The following ADAMTS17 variants were observed in gnomAD, a reference collection of about 807,000 sequenced individuals.
ADAMTS17 encodes the protein ADAM metallopeptidase with thrombospondin type 1 motif 17, also known as A disintegrin and metalloproteinase with thrombospondin motifs 17.
In ADAMTS17, 113 loss-of-function variants were observed where a neutral mutation model predicts 141.5. The observed-to-expected ratio is 0.80, with a 90% confidence interval of 0.69 to 0.93. The LOEUF (loss-of-function observed/expected upper bound fraction) is 0.93. Ranked by LOEUF, ADAMTS17 falls within the 40% of genes least tolerant of loss-of-function variation. The probability of loss-of-function intolerance (pLI) is 0.00; values close to 1 mark genes in which losing one functional copy is unlikely to be tolerated. For synonymous variants in ADAMTS17, 768 were observed against 630.6 expected (o/e 1.22, Z -3.27); for missense variants, 1,659 against 1,517.9 (o/e 1.09, Z -1.54).
chr15:100,202,026 C>T (rs532681655), intron 7 of ADAMTS17, among the ~76,000 whole-genome samples: 1 of 152,322 alleles, frequency 6.6e-6, no homozygotes, highest in South Asian at 2.1e-4. Context: ...ACAATCAGAT[C>T]TGCACGCCCT....
chr15:100,192,882 A>C (rs1190289690), intron 8 of ADAMTS17, among the ~76,000 whole-genome samples: 12 of 133,852 alleles, frequency 9.0e-5, no homozygotes, highest in African/African-American at 1.1e-4. Context: ...CCTCCCCATC[A>C]CTCCCCCAGA....
At chr15:100,250,622 T>C (rs2043124388) in intron 7 of ADAMTS17, among the ~76,000 whole-genome samples, 1 of 152,152 alleles carries the variant, frequency 6.6e-6, no homozygotes, top group African/African-American at 2.4e-5. Context: ...CTGTTCCTGA[T>C]TGTCATGGTG....
In ADAMTS17 at chr15:100,013,487, CT is replaced by C. The variant is rs1443949806; in HGVS notation, c.2592-15899del. 5.3e-5 allele frequency among the ~76,000 whole-genome samples: 8 copies of C among 152,274 alleles called. No homozygotes were observed. The East Asian group carries it at 1.5e-3, about 29-fold the overall frequency. ...CAGTTCTCAGACAGAAAGCTTTCAACTTTTCCCCATCAGTACTGTGTTGGCT... is the reference window on the plus strand; with the variant it reads ...CAGTTCTCAGACAGAAAGCTTTCAACTTTCCCCATCAGTACTGTGTTGGCT... On this transcript the variant is annotated intron_variant, in intron 18 of 21. Coordinates refer to ENST00000268070, the MANE Select transcript of ADAMTS17 (RefSeq NM_139057.4).
intron 8 of ADAMTS17, among the ~76,000 whole-genome samples, chr15:100,158,830 T>A (rs865955099): frequency 2.0e-4 from 30 of 152,264 alleles, no homozygotes; most frequent in African/African-American, 7.0e-4. Flanking sequence ...GACGTTTCTC[T>A]AAAGAAGACA....
intron 18 of ADAMTS17, among the ~76,000 whole-genome samples, chr15:100,005,681 G>A (rs974680178): frequency 2.0e-5 from 3 of 152,154 alleles, no homozygotes; most frequent in African/African-American, 4.8e-5. Flanking sequence ...AAAATTTGCC[G>A]ATAAAAGGAC....
At chr15:100,139,017 C>G (rs1403200877) in intron 10 of ADAMTS17, among the ~76,000 whole-genome samples, 4 of 152,082 alleles carry the variant, frequency 2.6e-5, no homozygotes, top group Non-Finnish European at 4.4e-5. Context: ...GGCGATGGAC[C>G]TGTTTTGCAA....
At chr15:100,137,277 GCTGGGAAGAAGGTGCA>G (rs1567235681) in intron 10 of ADAMTS17, among the ~76,000 whole-genome samples, 1 of 152,212 alleles carries the variant, frequency 6.6e-6, no homozygotes, top group Non-Finnish European at 1.5e-5. Context: ...AGAAGAACCG[GCTGGGAAGAAGGTGCA>G]CTGGGGTGGG....
intron 10 of ADAMTS17, among the ~76,000 whole-genome samples, chr15:100,142,964 A>G (rs1049711909): frequency 6.6e-6 from 1 of 152,238 alleles, no homozygotes; most frequent in African/African-American, 2.4e-5. Context: ...GCTCGTGGCA[A>G]CTAACAAGAA....
chr15:100,136,014 T>C lies in ADAMTS17; in HGVS notation c.1474-2699A>G, dbSNP rs572078441. 1.2e-4 allele frequency among the ~76,000 whole-genome samples: 19 copies of C among 152,278 alleles called. No individual in the cohort carries two copies. The South Asian group carries it at 3.5e-3, about 28-fold the overall frequency. On this transcript the variant is annotated intron_variant, in intron 10 of 21. Coordinates refer to ENST00000268070, the MANE Select transcript of ADAMTS17 (RefSeq NM_139057.4). ...CTTGGTTCAACAGCTTTGGAAAACTTTGGCAGTATTTGCTAAAGCTGAAGA... is the reference window on the plus strand; with the variant it reads ...CTTGGTTCAACAGCTTTGGAAAACTCTGGCAGTATTTGCTAAAGCTGAAGA...
chr15:100,005,743 T>A (rs1006525715), intron 18 of ADAMTS17, among the ~76,000 whole-genome samples: 1 of 152,172 alleles, frequency 6.6e-6, no homozygotes, highest in Non-Finnish European at 1.5e-5. Flanking sequence ...TTTGCTAGGA[T>A]TGTCGATAAA....
intron 15 of ADAMTS17, among the ~76,000 whole-genome samples, chr15:100,054,448 T>C (rs1356413465): frequency 6.6e-6 from 1 of 152,210 alleles, no homozygotes; most frequent in African/African-American, 2.4e-5. Flanking sequence ...TCCATTTTAA[T>C]GTGTCCCAGG....
chr15:100,074,684 A>C (rs1487029701), intron 15 of ADAMTS17, among the ~76,000 whole-genome samples: 1 of 152,052 alleles, frequency 6.6e-6, no homozygotes, highest in Non-Finnish European at 1.5e-5. Context: ...AATTGTTCTT[A>C]TGCTTCCTTT....
rs2060261825 is a variant in ADAMTS17 at position 99,973,827 on chromosome 15, A to C, written c.*575T>G. The C allele has an allele frequency of 1.0e-5, 2 of 192,124 alleles. No individual in the cohort carries two copies. The highest frequency in any genetic ancestry group is 2.2e-5 in the Non-Finnish European group (2 of 92,312). The allele number at this position is 192,124 out of a possible 1,614,324, so 11.9% of individuals were successfully genotyped here. On this transcript the variant is annotated 3_prime_UTR_variant, in exon 22 of 22. Coordinates refer to ENST00000268070, the MANE Select transcript of ADAMTS17 (RefSeq NM_139057.4). ...CCAAGGCAACACCTAGGATTTAGAG[A>C]CTATGTTCTCAGAGACGGGCATGGA...
chr15:100,305,378 C>T (rs761077433), intron 3 of ADAMTS17, among the ~76,000 whole-genome samples: 4 of 152,142 alleles, frequency 2.6e-5, no homozygotes, highest in Admixed American at 6.5e-5. Context: ...GAAATAAATC[C>T]GTCTCAAAGG....
intron 7 of ADAMTS17, among the ~76,000 whole-genome samples, chr15:100,219,633 A>G (rs1215919084): frequency 6.6e-6 from 1 of 152,114 alleles, no homozygotes; most frequent in African/African-American, 2.4e-5. Context: ...CTGGAATTTC[A>G]CCTTCTAGTT....
At chr15:100,100,664 T>A (rs939093430) in intron 14 of ADAMTS17, among the ~76,000 whole-genome samples, 19 of 152,156 alleles carry the variant, frequency 1.2e-4, no homozygotes, top group Non-Finnish European at 1.5e-5. Flanking sequence ...TTCTCCTCCA[T>A]GTTCAGCTCC....
intron 13 of ADAMTS17, among the ~76,000 whole-genome samples, chr15:100,111,770 C>T (rs1164703351): frequency 2.0e-5 from 3 of 152,212 alleles, no homozygotes; most frequent in Non-Finnish European, 4.4e-5. Flanking sequence ...TACTGTGTTC[C>T]AGGCAGCATG....
rs189281705 is a variant in ADAMTS17, at chr15:100,261,685, G to C, written c.874-49C>G. The C allele has an allele frequency of 3.8e-6, 6 of 1,584,816 alleles. No homozygotes were observed. In the African/African-American group the frequency reaches 6.7e-5, roughly 18 times the overall value. ...AGAGAAACAAACGCCTGGGAGGCCA[G>C]AGTTTATTTCCAGACTATGACAAGG... On this transcript the variant is annotated intron_variant, in intron 5 of 21. Coordinates refer to ENST00000268070, the MANE Select transcript of ADAMTS17 (RefSeq NM_139057.4).
chr15:100,274,205 T>C (rs1170164808), intron 4 of ADAMTS17, among the ~76,000 whole-genome samples: 2 of 152,226 alleles, frequency 1.3e-5, no homozygotes, highest in South Asian at 2.1e-4. Flanking sequence ...AGTTGACTTA[T>C]TGTGTTAAGT....
Sources: allele counts gnomAD v4.1 joint callset (sites outside exome capture counted in the v4.1 genomes callset), GRCh38; gene constraint gnomAD v4.1.1; transcripts MANE v1.5; gene names NCBI Gene and HGNC (gene_info 2026-07-23, HGNC 2026-07-21).